LRRC7: variants seen among roughly 807,000 people sequenced by gnomAD.
The protein encoded by LRRC7 is leucine-rich repeat-containing protein 7.
A neutral mutation model predicts 175.7 loss-of-function variants in LRRC7; 23 were observed. The observed-to-expected ratio is 0.13, with a 90% CI of 0.09 to 0.19. The LOEUF (loss-of-function observed/expected upper bound fraction) is 0.19, where lower values mean the gene tolerates loss of function less well. Ranked by LOEUF, LRRC7 falls within the 10% of genes least tolerant of loss-of-function variation. LRRC7 has a pLI of 1.00. For synonymous variants in LRRC7, 685 were observed against 680.9 expected (o/e 1.01, Z -0.09); for missense variants, 1,354 against 1,904.7 (o/e 0.71, Z 5.38).
chr1:69,669,358 A>G (rs987900964), intron 1 of LRRC7, among the ~76,000 whole-genome samples: 5 of 152,128 alleles, frequency 3.3e-5, no homozygotes. Context: ...CTAAGGTAAA[A>G]TATTTTTCCT....
intron 1 of LRRC7, among the ~76,000 whole-genome samples, chr1:69,628,209 G>A (rs1261050401): frequency 3.3e-5 from 5 of 152,080 alleles, no homozygotes; most frequent in Non-Finnish European, 5.9e-5. Context: ...TTTGTTTGCA[G>A]ATAACACCGT....
intron 25 of LRRC7, among the ~76,000 whole-genome samples, chr1:70,093,405 G>T (rs1449486857): frequency 1.3e-5 from 2 of 152,094 alleles, no homozygotes; most frequent in African/African-American, 2.4e-5. Context: ...GCCCAGAGGG[G>T]TTAATTAACT....
rs576756990 is a variant in LRRC7, at chr1:70,045,300, T to C, written c.4110+1206T>C. Among the ~76,000 whole-genome samples the C allele has an allele frequency of 4.6e-5, 7 of 152,254 alleles. No homozygotes were observed. In the South Asian group the frequency reaches 1.2e-3, roughly 27 times the overall value. On this transcript the variant is annotated intron_variant, in intron 22 of 26. Coordinates refer to ENST00000651989, the MANE Select transcript of LRRC7 (RefSeq NM_001370785.2). ...AGAAAGACAAGGCCTTGATTTGTGG[T>C]ATCTGCCAATGTCAGCAATATAAAT...
chr1:69,690,684 C>T (rs1661748416), intron 2 of LRRC7, among the ~76,000 whole-genome samples: 1 of 152,072 alleles, frequency 6.6e-6, no homozygotes, highest in African/African-American at 2.4e-5. Context: ...AATAACACAC[C>T]AGATACACTG....
chr1:69,757,321 G>T (rs1045220671), intron 2 of LRRC7, among the ~76,000 whole-genome samples: 1 of 151,974 alleles, frequency 6.6e-6, no homozygotes, highest in Admixed American at 6.6e-5. Context: ...AGCATGCTCT[G>T]CTTTTAAAGG....
At chr1:69,815,243 C>T (rs1377831690) in intron 4 of LRRC7, among the ~76,000 whole-genome samples, 1 of 152,158 alleles carries the variant, frequency 6.6e-6, no homozygotes, top group Non-Finnish European at 1.5e-5. Context: ...TGGTGACAAA[C>T]ATCCTACAGA....
At chr1:69,941,881 G>T (rs1250577378) in intron 8 of LRRC7, among the ~76,000 whole-genome samples, 1 of 152,038 alleles carries the variant, frequency 6.6e-6, no homozygotes, top group Non-Finnish European at 1.5e-5. Context: ...AAACAATCCA[G>T]TCTTTCCTCT....
In LRRC7 at chr1:70,041,938, C is replaced by A. The variant is rs182616087; in HGVS notation, c.3970-2016C>A. On this transcript the variant is annotated intron_variant, in intron 21 of 26. Transcript: ENST00000651989. ...CCTGCCTATCCCAGATAACAAAAAG[C>A]AAACTCATGTATTTTTCATTGCTAT... Among the ~76,000 whole-genome samples, 222 of 152,268 alleles carry A rather than the reference C, an allele frequency of 1.5e-3. 1 individual carries two copies. The highest frequency in any genetic ancestry group is 2.1e-3 in the Non-Finnish European group (142 of 68,008).
intron 7 of LRRC7, among the ~76,000 whole-genome samples, chr1:69,924,823 T>C (rs1014047284): frequency 4.6e-5 from 7 of 152,278 alleles, no homozygotes; most frequent in Non-Finnish European, 8.8e-5. Context: ...CTGGCCAGAA[T>C]TTCCAACACT....
intron 7 of LRRC7, among the ~76,000 whole-genome samples, chr1:69,868,108 T>C (rs1197171704): frequency 3.9e-5 from 6 of 152,088 alleles, no homozygotes; most frequent in Non-Finnish European, 8.8e-5. Context: ...TATAATTAGA[T>C]TTATTGAAGT....
Position 69,662,542 on chromosome 1 carries a change from A to G in LRRC7, c.3-15839A>G, listed in dbSNP as rs800932. Among the ~76,000 whole-genome samples the G allele has an allele frequency of 9.1e-3, 1,392 of 152,268 alleles. 24 individuals carry two copies. Among genetic ancestry groups the G allele is most frequent in the African/African-American group, 0.032 (1,325 of 41,562 alleles). ...AATGAGGAATTTTGTTTAGTTTCCA[A>G]CTGGACAGCACTTCACAAATCTTTT... On this transcript the variant is annotated intron_variant, in intron 1 of 26. Transcript: ENST00000651989.
chr1:69,753,125 A>G (rs1670019541), intron 2 of LRRC7, among the ~76,000 whole-genome samples: 1 of 152,098 alleles, frequency 6.6e-6, no homozygotes, highest in Admixed American at 6.6e-5. Flanking sequence ...CTTGTGTATT[A>G]TGCTCAACTC....
intron 4 of LRRC7, among the ~76,000 whole-genome samples, chr1:69,802,815 T>C (rs1326646813): frequency 6.6e-6 from 1 of 151,450 alleles, no homozygotes; most frequent in Non-Finnish European, 1.5e-5. Context: ...AACATATTAC[T>C]CTTTATTGCA....
At chr1:69,691,549 A>C (rs950116822) in intron 2 of LRRC7, among the ~76,000 whole-genome samples, 2 of 152,252 alleles carry the variant, frequency 1.3e-5, no homozygotes, top group African/African-American at 2.4e-5. Context: ...TGTAATCCCA[A>C]TGCTTTGGGA....
chr1:69,572,578 G>T (rs544936568), intron 1 of LRRC7, among the ~76,000 whole-genome samples: 59 of 152,084 alleles, frequency 3.9e-4, no homozygotes, highest in Non-Finnish European at 7.1e-4. Context: ...TGTGACTCAG[G>T]TTTGAATCAT....
At chr1:69,813,026 T>C (rs989527647) in intron 4 of LRRC7, among the ~76,000 whole-genome samples, 6 of 152,092 alleles carry the variant, frequency 3.9e-5, no homozygotes, top group African/African-American at 1.4e-4. Context: ...GATGAATCCA[T>C]AACCCCAAAT....
At chr1:69,608,895 T>TAC (rs1648225653) in intron 1 of LRRC7, among the ~76,000 whole-genome samples, 2 of 128,198 alleles carry the variant, frequency 1.6e-5, no homozygotes, top group African/African-American at 3.1e-5. Flanking sequence ...TATATATATA[T>TAC]ATATACACAC....
Position 70,102,992 on chromosome 1 carries a change from G to C in LRRC7, c.4546-4760G>C, listed in dbSNP as rs560713332. 2.0e-5 allele frequency among the ~76,000 whole-genome samples: 3 copies of C among 152,202 alleles called. No individual in the cohort carries two copies. The East Asian group carries it at 5.8e-4, about 29-fold the overall frequency. On this transcript the variant is annotated intron_variant, in intron 25 of 26. Transcript: ENST00000651989. The stretch of plus-strand genomic sequence containing the variant: ...GCCTGTAATCCCAGGACTTTGGGAG[G>C]CCGAGGTGGGCAAATCACTTGAGTT...
At chr1:69,737,789 G>C (rs1269465710) in intron 2 of LRRC7, among the ~76,000 whole-genome samples, 1 of 152,066 alleles carries the variant, frequency 6.6e-6, no homozygotes, top group Non-Finnish European at 1.5e-5. Flanking sequence ...TTGTGGTTGT[G>C]TCTTTTCCTT....
Sources: allele counts gnomAD v4.1 joint callset (sites outside exome capture counted in the v4.1 genomes callset), GRCh38; gene constraint gnomAD v4.1.1; transcripts MANE v1.5; gene names NCBI Gene and HGNC (gene_info 2026-07-23, HGNC 2026-07-21).